Variants in BTBD10 observed in about 807,000 individuals in gnomAD.
The protein encoded by BTBD10 is BTB domain containing 10, also known as BTB/POZ domain-containing protein 10.
BTBD10 carries 21 observed loss-of-function variants against 53.2 expected under a neutral mutation model. The observed-to-expected ratio is 0.39, with a 90% CI of 0.28 to 0.57. The LOEUF (loss-of-function observed/expected upper bound fraction) is 0.57. BTBD10 is among the 20% of genes least tolerant of loss of function. BTBD10 has a pLI of 0.53. For synonymous variants in BTBD10, 149 were observed against 192.7 expected (o/e 0.77, Z 1.88); for missense variants, 360 against 594.7 (o/e 0.61, Z 4.10).
At chr11:13,453,205 ATTG>A (rs1260778106) in intron 1 of BTBD10, among the ~76,000 whole-genome samples, 8 of 152,198 alleles carry the variant, frequency 5.3e-5, no homozygotes, top group African/African-American at 1.7e-4. Flanking sequence ...TTCAAAATAT[ATTG>A]TTAAGCTAAA....
chr11:13,456,016 A>G (rs1420207554), intron 1 of BTBD10, among the ~76,000 whole-genome samples: 1 of 152,188 alleles, frequency 6.6e-6, no homozygotes. Flanking sequence ...ACAGTGTGAT[A>G]ATGGAAATGT....
intron 6 of BTBD10, among the ~76,000 whole-genome samples, chr11:13,410,640 T>C (rs914809368): frequency 1.3e-5 from 2 of 152,174 alleles, no homozygotes; most frequent in Non-Finnish European, 2.9e-5. Flanking sequence ...AAAGTGTTAT[T>C]TATAACATAG....
chr11:13,441,244 AAG>A (rs1950643634), intron 2 of BTBD10, among the ~76,000 whole-genome samples: 1 of 152,164 alleles, frequency 6.6e-6, no homozygotes, highest in African/African-American at 2.4e-5. Context: ...AAATTTTTAA[AAG>A]AGATATACAT....
rs543142421 is a variant in BTBD10 at position 13,395,161 on chromosome 11, AGTGTAAAAGTGTTCCT to A, written c.1118-6036_1118-6021del. 1.4e-3 allele frequency among the ~76,000 whole-genome samples: 208 copies of A among 149,458 alleles called. 6 individuals carry two copies. In the East Asian group the frequency reaches 0.035, roughly 25 times the overall value. ...TGAACTAGTTTACAGTCCCACCAAC[AGTGTAAAAGTGTTCCT>A]ATTTCTCCACATCCTCTCCAGCACC... On this transcript the variant is annotated intron_variant, in intron 8 of 8. Transcript: ENST00000278174.
intron 6 of BTBD10, among the ~76,000 whole-genome samples, chr11:13,413,157 A>G (rs1211526275): frequency 1.3e-5 from 2 of 152,200 alleles, no homozygotes; most frequent in South Asian, 2.1e-4. Context: ...ACACGTGGTA[A>G]TACAAAAAAT....
At chr11:13,455,439 A>G (rs1950944445) in intron 1 of BTBD10, among the ~76,000 whole-genome samples, 1 of 152,198 alleles carries the variant, frequency 6.6e-6, no homozygotes, top group South Asian at 2.1e-4. Flanking sequence ...CCCATCACAA[A>G]CAGCTCAATA....
rs1950724583 is a variant in BTBD10, at chr11:13,444,863, G to A, written c.101+161C>T. 2.6e-5 allele frequency among the ~76,000 whole-genome samples: 4 copies of A among 151,974 alleles called. 1 individual carries two copies. In the South Asian group the frequency reaches 8.3e-4, roughly 32 times the overall value. ...AAATATTAAAAAATTAAAAAGAAAT[G>A]TTTCTCCAAAAGTTATCTATGGAGA... On this transcript the variant is annotated intron_variant, in intron 2 of 8. Transcript: ENST00000278174.
At chr11:13,401,633 G>C (rs1949718129) in intron 8 of BTBD10, among the ~76,000 whole-genome samples, 2 of 152,024 alleles carry the variant, frequency 1.3e-5, no homozygotes, top group African/African-American at 4.8e-5. Context: ...CTATCCTCTT[G>C]GGAAGGAAAT....
intron 8 of BTBD10, among the ~76,000 whole-genome samples, chr11:13,402,182 C>G (rs1228082964): frequency 6.6e-6 from 1 of 152,138 alleles, no homozygotes; most frequent in East Asian, 1.9e-4. Flanking sequence ...AGTCTCTGCC[C>G]CTTCCCACAC....
At chr11:13,407,155 T>A (rs1949849798) in intron 6 of BTBD10, among the ~76,000 whole-genome samples, 1 of 152,162 alleles carries the variant, frequency 6.6e-6, no homozygotes, top group Non-Finnish European at 1.5e-5. Flanking sequence ...TATCCCTGTT[T>A]TTTTCCTCCC....
At chr11:13,390,283 T>G (rs761448313) in intron 8 of BTBD10, among the ~76,000 whole-genome samples, 1 of 152,164 alleles carries the variant, frequency 6.6e-6, no homozygotes, top group East Asian at 1.9e-4. Context: ...GAGCTACTTT[T>G]CACTCTGCCA....
intron 2 of BTBD10, among the ~76,000 whole-genome samples, chr11:13,429,247 C>T (rs1178218993): frequency 1.3e-5 from 2 of 152,056 alleles, no homozygotes; most frequent in Non-Finnish European, 2.9e-5. Context: ...ACAACATAAT[C>T]CCAATGGAAA....
Position 13,447,025 on chromosome 11 carries a change from G to C in BTBD10, c.-57-1844C>G, listed in dbSNP as rs542950058. 1.4e-4 allele frequency among the ~76,000 whole-genome samples: 22 copies of C among 152,220 alleles called. 1 individual carries two copies. Among genetic ancestry groups the C allele is most frequent in the Middle Eastern group, 6.8e-3 (2 of 294 alleles). On this transcript the variant is annotated intron_variant, in intron 1 of 8. Transcript: ENST00000278174. The stretch of plus-strand genomic sequence containing the variant: ...CAATGTGAGAAAATAAAGATGTAGA[G>C]ATTTGGCAGATTCTGTAGAATGAGA...
At chr11:13,392,177 A>G (rs1949425770) in intron 8 of BTBD10, among the ~76,000 whole-genome samples, 1 of 152,252 alleles carries the variant, frequency 6.6e-6, no homozygotes, top group South Asian at 2.1e-4. Context: ...TACATAAGAG[A>G]AAGTGTTAAA....
intron 3 of BTBD10, among the ~76,000 whole-genome samples, chr11:13,420,667 A>G (rs185717717): frequency 3.4e-4 from 52 of 152,282 alleles, no homozygotes; most frequent in Admixed American, 7.8e-4. Context: ...CACTCTGTAC[A>G]GCATTATTGA....
At chr11:13,417,315 A>T in intron 4 of BTBD10, 55 bp from the exon 5 acceptor site, 2 of 1,276,278 alleles carry the variant, frequency 1.6e-6, no homozygotes, top group Non-Finnish European at 2.2e-6. Flanking sequence ...TTCAAAAGGG[A>T]AAATAGATTT....
intron 1 of BTBD10, among the ~76,000 whole-genome samples, chr11:13,461,717 A>T (rs1173602503): frequency 2.6e-5 from 4 of 152,204 alleles, no homozygotes; most frequent in Non-Finnish European, 2.9e-5. Context: ...GTGAGAAAAA[A>T]GGTGAACGAA....
chr11:13,453,113 T>C (rs1320710498), intron 1 of BTBD10, among the ~76,000 whole-genome samples: 3 of 152,174 alleles, frequency 2.0e-5, no homozygotes, highest in Non-Finnish European at 4.4e-5. Flanking sequence ...TAAATGTTCA[T>C]CTAGTTTATC....
At chr11:13,389,444 T>TC (rs1351798963) in intron 8 of BTBD10, among the ~76,000 whole-genome samples, 1 of 151,786 alleles carries the variant, frequency 6.6e-6, no homozygotes, top group Admixed American at 6.6e-5. Flanking sequence ...CTTTTTTTTT[T>TC]TTGACATGGA....
Sources: gnomAD v4.1 joint callset for allele counts (sites outside exome capture counted in the v4.1 genomes callset) on GRCh38, gnomAD v4.1.1 for gene constraint, MANE v1.5 for transcripts, NCBI Gene and HGNC (gene_info 2026-07-23, HGNC 2026-07-21) for gene names.